The following DZIP1 variants were observed in gnomAD, a reference collection of about 807,000 sequenced individuals.
DZIP1 encodes the protein DAZ interacting zinc finger protein 1.
A neutral mutation model predicts 107.6 loss-of-function variants in DZIP1; 97 were observed. That is an observed-to-expected ratio of 0.90 (90% CI 0.77 to 1.07). The LOEUF is 1.07. DZIP1 is among the 50% of genes least tolerant of loss of function. The pLI is 0.00. For synonymous variants in DZIP1, 390 were observed against 386.4 expected, an observed-to-expected ratio of 1.01 and a Z score of -0.11; for missense variants, 1,035 against 1,063.6, an observed-to-expected ratio of 0.97 and a Z score of 0.37.
Position 95,642,056 on chromosome 13 carries a change from G to A in DZIP1, c.-27C>T. 6.6e-7 allele frequency: 1 copy of A among 1,521,824 alleles called. No individual in the cohort carries two copies. The highest frequency in any genetic ancestry group is 2.4e-4 in the Middle Eastern group (1 of 4,082). The allele number at this position is 1,521,824 out of a possible 1,614,324, so 94.3% of individuals were successfully genotyped here. A position where few individuals can be genotyped will look rare whatever the true frequency, so the allele number is the denominator to read the frequency against. The stretch of plus-strand genomic sequence containing the variant: ...GGAGGAGCCGGGCGGTCTTTACCCA[G>A]CCTGGGCCGCCTCCCGGGCCGCCGC... On this transcript the variant is annotated 5_prime_UTR_variant, in exon 4 of 23. Transcript: ENST00000376829.
intron 6 of DZIP1, among the ~76,000 whole-genome samples, chr13:95,632,477 G>A (rs1330034104): frequency 1.3e-5 from 2 of 152,038 alleles, no homozygotes; most frequent in Non-Finnish European, 2.9e-5. Flanking sequence ...GGACAAAGCT[G>A]GTCCAGGCCC....
At chr13:95,612,847 AG>A (rs1187054747) in intron 10 of DZIP1, among the ~76,000 whole-genome samples, 1 of 152,106 alleles carries the variant, frequency 6.6e-6, no homozygotes, top group Non-Finnish European at 1.5e-5. Flanking sequence ...GGCCTCTCAA[AG>A]TGTTGGGATT....
At chr13:95,605,106 C>T (rs1394558344) in intron 14 of DZIP1, among the ~76,000 whole-genome samples, 1 of 152,144 alleles carries the variant, frequency 6.6e-6, no homozygotes, top group Non-Finnish European at 1.5e-5. Context: ...CTTCAAGAGT[C>T]AGTGATGAGT....
rs139187602 is a variant in DZIP1, at chr13:95,641,663, C to T, written c.229G>A (p.Val77Met). 5 of 1,607,656 alleles carry T rather than the reference C, an allele frequency of 3.1e-6. No homozygotes were observed. In the South Asian group the frequency reaches 5.5e-5, roughly 18 times the overall value. The change falls in exon 5 of 23, where the codon GTG becomes ATG. Residue 77 changes from valine (V) to methionine (M), a missense_variant. Coordinates refer to ENST00000376829, the MANE Select transcript of DZIP1 (RefSeq NM_198968.4). This position sits in a 1 kb window ranked among gnomAD's most constrained non-coding sequence, Gnocchi z 4.3. ...TCCACAGCCCCCGCCACCTTGTCCA[C>T]GTCGATGGCGCTCAGCCGCCGCCAG... ...VDWRRLSAID[V>M]DKVAGAVDVL...
chr13:95,639,260 A>T (rs764171305), intron 5 of DZIP1, among the ~76,000 whole-genome samples: 1 of 152,188 alleles, frequency 6.6e-6, no homozygotes, highest in Non-Finnish European at 1.5e-5. Context: ...AAATTGAGTC[A>T]TTACCTTTTA....
chr13:95,592,839 T>TA (rs1430660272), intron 16 of DZIP1, among the ~76,000 whole-genome samples: 4 of 152,150 alleles, frequency 2.6e-5, no homozygotes, highest in Admixed American at 6.5e-5. Context: ...ATCATATAGA[T>TA]AAAATCATTA....
intron 13 of DZIP1, among the ~76,000 whole-genome samples, chr13:95,607,652 A>T (rs976821806): frequency 1.3e-5 from 2 of 152,218 alleles, no homozygotes; most frequent in African/African-American, 4.8e-5. Flanking sequence ...GCCTAATGTA[A>T]ATCACTGTCT....
intron 14 of DZIP1, among the ~76,000 whole-genome samples, chr13:95,600,572 TAGAG>T (rs1212861220): frequency 7.3e-6 from 1 of 137,314 alleles, no homozygotes; most frequent in African/African-American, 2.6e-5. Context: ...AGAGAGATGA[TAGAG>T]ATAGATAGAT....
At chr13:95,625,407 T>C (rs1287220957) in intron 7 of DZIP1, among the ~76,000 whole-genome samples, 1 of 152,188 alleles carries the variant, frequency 6.6e-6, no homozygotes, top group African/African-American at 2.4e-5. Flanking sequence ...AAAATCTAAA[T>C]TGAGAACTTG....
chr13:95,637,857 A>G (rs949253332), intron 5 of DZIP1, among the ~76,000 whole-genome samples: 1 of 152,214 alleles, frequency 6.6e-6, no homozygotes, highest in African/African-American at 2.4e-5. Flanking sequence ...CAGATCTATA[A>G]GTATAATATC....
chr13:95,619,012 T>C (rs1323721198), intron 10 of DZIP1, among the ~76,000 whole-genome samples: 2 of 152,246 alleles, frequency 1.3e-5, no homozygotes, highest in African/African-American at 2.4e-5. Context: ...AAGTTTGTTT[T>C]CATTAAAGCG....
chr13:95,608,154 G>A (rs1041574170), intron 13 of DZIP1, among the ~76,000 whole-genome samples: 5 of 152,154 alleles, frequency 3.3e-5, no homozygotes, highest in Admixed American at 2.0e-4. Context: ...TGGGGCTATG[G>A]GCCTATTTTT....
Position 95,641,400 on chromosome 13 carries a change from G to A in DZIP1, c.492C>T (p.Thr164=), listed in dbSNP as rs1264170965. 2 of 1,614,124 alleles carry A rather than the reference G, an allele frequency of 1.2e-6. No individual in the cohort carries two copies. Among genetic ancestry groups the A allele is most frequent in the Non-Finnish European group, 8.5e-7 (1 of 1,180,002 alleles). ...CDGEQSKKLL[T]KQAGEIKTLK... is the part of the protein sequence containing the mutation. ...GCGTCTTGATCTCCCCCGCCTGCTT[G>A]GTGAGCAGCTTCTTGCTCTGCTCGC... Residue 164 remains threonine (T), a synonymous_variant, in exon 5 of 23, where the codon ACC becomes ACT. Transcript: ENST00000376829. This position sits in a 1 kb window ranked among gnomAD's most constrained non-coding sequence, Gnocchi z 4.3.
chr13:95,612,008 G>A lies in DZIP1; in HGVS notation c.1314+29C>T, dbSNP rs551005960. ...TAGATAGACTGCGTTGCTTAAAGAA[G>A]CACGGTGCCACACTGCCGCCAGACA... On this transcript the variant is annotated intron_variant, in intron 11 of 22. Transcript: ENST00000376829. 1.0e-5 allele frequency: 16 copies of A among 1,607,226 alleles called. No individual in the cohort carries two copies. The African/African-American group carries it at 2.0e-4, about 20-fold the overall frequency.
In DZIP1 at chr13:95,579,395, C is replaced by CCTGT. The variant is rs2043983497; in HGVS notation, c.*2835_*2838dup. 6.6e-6 allele frequency: 1 copy of CCTGT among 152,218 alleles called. No homozygotes were observed. The highest frequency in any genetic ancestry group is 2.1e-4 in the South Asian group (1 of 4,830). 9.4% of individuals were successfully genotyped at this position (152,218 alleles called of 1,614,324 possible). ...CACAGTTCATACACACCTTTCATGT[C>CCTGT]CTGTCTCACTCACTCCTCACAGCCA... On this transcript the variant is annotated 3_prime_UTR_variant, in exon 23 of 23. Coordinates refer to ENST00000376829, the MANE Select transcript of DZIP1 (RefSeq NM_198968.4).
intron 7 of DZIP1, among the ~76,000 whole-genome samples, 179 bp from the exon 8 acceptor site, chr13:95,625,108 A>G (rs995902684): frequency 1.3e-5 from 2 of 152,246 alleles, no homozygotes; most frequent in African/African-American, 4.8e-5. Context: ...TCTAAACTAA[A>G]GGCAGCACAC....
intron 1 of DZIP1, among the ~76,000 whole-genome samples, chr13:95,644,156 C>G (rs1878845797): frequency 6.6e-6 from 1 of 152,216 alleles, no homozygotes; most frequent in Non-Finnish European, 1.5e-5. Flanking sequence ...GCCGGGCAGC[C>G]GAACCAGCAG....
chr13:95,605,961 G>T, intron 14 of DZIP1, 42 bp downstream of exon 14: 1 of 1,592,300 alleles, frequency 6.3e-7, no homozygotes, highest in South Asian at 1.1e-5. Context: ...AACTCAGGGT[G>T]GCAACTGCAC....
intron 10 of DZIP1, among the ~76,000 whole-genome samples, chr13:95,614,716 C>T (rs1874822504): frequency 6.6e-6 from 1 of 152,096 alleles, no homozygotes; most frequent in Non-Finnish European, 1.5e-5. Flanking sequence ...CCCCATCCTC[C>T]CTTCCTTCAT....
Sources: allele counts gnomAD v4.1 joint callset (sites outside exome capture counted in the v4.1 genomes callset), GRCh38; gene constraint gnomAD v4.1.1; non-coding constraint Gnocchi (gnomAD v3.1); transcripts MANE v1.5; gene names NCBI Gene and HGNC (gene_info 2026-07-23, HGNC 2026-07-21).